Variants in SNX10 observed in about 807,000 individuals in gnomAD.
SNX10 encodes sorting nexin-10.
Under a neutral mutation model 28.5 loss-of-function variants are expected in SNX10, and 25 were observed. The ratio of observed to expected loss-of-function variants is 0.88; its 90% CI spans 0.64 to 1.22. The LOEUF (loss-of-function observed/expected upper bound fraction) is 1.22. SNX10 is among the 50% of genes most tolerant of loss of function. The pLI is 0.00. For synonymous variants in SNX10, 62 were observed against 81.4 expected (o/e 0.76, Z 1.28); for missense variants, 223 against 242.6 (o/e 0.92, Z 0.54).
intron 1 of SNX10, chr7:26,292,973 G>C (rs1402585684): frequency 6.6e-6 from 1 of 152,290 alleles, no homozygotes; most frequent in African/African-American, 2.4e-5. Flanking sequence ...GGTTTGGATT[G>C]CATAAGCTCC....
intron 1 of SNX10, among the ~76,000 whole-genome samples, chr7:26,332,371 T>C (rs1787778942): frequency 6.6e-6 from 1 of 152,244 alleles, no homozygotes; most frequent in Non-Finnish European, 1.5e-5. Context: ...TTATTCACCA[T>C]TTGTATATCT....
chr7:26,299,257 G>C (rs1415950145), intron 1 of SNX10, among the ~76,000 whole-genome samples: 1 of 151,946 alleles, frequency 6.6e-6, no homozygotes, highest in Non-Finnish European at 1.5e-5. Context: ...GTGCGGTGGT[G>C]CGATCTCGGC....
At chr7:26,356,946 GT>G (rs913980501) in intron 2 of SNX10, 3 of 422,506 alleles carry the variant, frequency 7.1e-6, no homozygotes, top group Non-Finnish European at 1.1e-5. Flanking sequence ...AGTAGATGAG[GT>G]TTTAATTTCA....
In SNX10 at chr7:26,337,855, T is replaced by C. The variant is rs113191525; in HGVS notation, c.-23-8565T>C. ...GAAGTGGAATTCCTGGATCATGTGGTAGTTTTCTGTAATTTTTTGAGGAAC... is the reference window on the plus strand; with the variant it reads ...GAAGTGGAATTCCTGGATCATGTGGCAGTTTTCTGTAATTTTTTGAGGAAC... On this transcript the variant is annotated intron_variant, in intron 1 of 6. Transcript: ENST00000338523. 6.3e-3 allele frequency among the ~76,000 whole-genome samples: 957 copies of C among 152,270 alleles called. 12 individuals carry two copies. Among genetic ancestry groups the C allele is most frequent in the African/African-American group, 0.022 (924 of 41,550 alleles).
chr7:26,316,824 C>G (rs1439909907), intron 1 of SNX10, among the ~76,000 whole-genome samples: 1 of 152,030 alleles, frequency 6.6e-6, no homozygotes, highest in South Asian at 2.1e-4. Context: ...TTTTTGGGCG[C>G]TTTTTTTCTC....
intron 5 of SNX10, among the ~76,000 whole-genome samples, chr7:26,367,825 G>A (rs1789356071): frequency 6.6e-6 from 1 of 152,172 alleles, no homozygotes; most frequent in African/African-American, 2.4e-5. Flanking sequence ...GTTTGTAGAG[G>A]AATTTTAGGA....
At chr7:26,294,622 T>C (rs558735664) in intron 1 of SNX10, among the ~76,000 whole-genome samples, 1 of 152,318 alleles carries the variant, frequency 6.6e-6, no homozygotes, top group East Asian at 1.9e-4. Flanking sequence ...CTGGGGAAAC[T>C]AAGCCATCAG....
chr7:26,301,318 G>C (rs1488902151), intron 1 of SNX10, among the ~76,000 whole-genome samples: 1 of 152,200 alleles, frequency 6.6e-6, no homozygotes, highest in Non-Finnish European at 1.5e-5. Flanking sequence ...CAGATGTCAT[G>C]TCCTTGATTT....
rs958015928 is a variant in SNX10 at position 26,364,938 on chromosome 7, CTG to C, written c.213-104_213-103del. On this transcript the variant is annotated intron_variant, in intron 4 of 6. Coordinates refer to ENST00000338523, the MANE Select transcript of SNX10 (RefSeq NM_013322.3). The surrounding 1 kb of genome is among the most constrained non-coding windows in gnomAD (Gnocchi z 4.9). ...ATGTATAATCATAATTATAGAATAA[CTG>C]TGTGATAATAATCATCATACATAAT... is the stretch of plus-strand genomic sequence containing the variant. The C allele has an allele frequency of 1.8e-5, 12 of 655,226 alleles. No individual in the cohort carries two copies. The highest frequency in any genetic ancestry group is 2.5e-5 in the Non-Finnish European group (9 of 361,082). The allele number at this position is 655,226 out of a possible 1,614,324, so 40.6% of individuals were successfully genotyped here. A position where few individuals can be genotyped will look rare whatever the true frequency, so the allele number is the denominator to read the frequency against.
Position 26,365,079 on chromosome 7 carries a change from T to A in SNX10, c.245T>A (p.Phe82Tyr). Residue 82 changes from phenylalanine (F) to tyrosine (Y), a missense_variant, in exon 5 of 7, where the codon TTT (phenylalanine) becomes TAT (tyrosine). Physicochemically the swap from Phe to Tyr is conservative, Grantham distance 22. Transcript: ENST00000338523. The stretch of plus-strand genomic sequence containing the variant: ...CCAGAACTTCCATCTAAAAACCTGT[T>A]TTTCAACATGAACAATCGCCAGCAC... ...QLPELPSKNL[F>Y]FNMNNRQHVD... 2 of 1,613,006 alleles carry A rather than the reference T, an allele frequency of 1.2e-6. No individual in the cohort carries two copies. The highest frequency in any genetic ancestry group is 1.7e-6 in the Non-Finnish European group (2 of 1,179,002).
At chr7:26,326,399 C>A (rs888284432) in intron 1 of SNX10, among the ~76,000 whole-genome samples, 4 of 152,190 alleles carry the variant, frequency 2.6e-5, no homozygotes, top group Non-Finnish European at 5.9e-5. Context: ...TTTTCCTCTA[C>A]CCTCCCCATC....
At chr7:26,293,629 T>A (rs1786007294) in intron 1 of SNX10, among the ~76,000 whole-genome samples, 1 of 152,228 alleles carries the variant, frequency 6.6e-6, no homozygotes, top group Admixed American at 6.5e-5. Flanking sequence ...TATCAGTGAT[T>A]AGCATGGACT....
At chr7:26,370,810 T>A (rs10280922) in intron 5 of SNX10, 3 of 152,304 alleles carry the variant, frequency 2.0e-5, no homozygotes, top group Non-Finnish European at 4.4e-5. Flanking sequence ...AAATTCTACT[T>A]GGGTTTTAGT....
intron 6 of SNX10, 65 bp downstream of exon 6, chr7:26,372,098 C>A: frequency 1.9e-6 from 2 of 1,036,894 alleles, no homozygotes; most frequent in Non-Finnish European, 2.9e-6. Context: ...CACATATGCA[C>A]GTGTATAGAT....
At chr7:26,325,917 AG>A (rs1215703304) in intron 1 of SNX10, among the ~76,000 whole-genome samples, 1 of 148,028 alleles carries the variant, frequency 6.8e-6, no homozygotes. Context: ...TAGTAGAGAC[AG>A]GGTTTTGCCA....
chr7:26,362,968 A>G (rs1364636170), intron 3 of SNX10, among the ~76,000 whole-genome samples: 2 of 152,118 alleles, frequency 1.3e-5, no homozygotes, highest in African/African-American at 4.8e-5. Context: ...ATTAAAGGGA[A>G]TTTAAATGGA....
chr7:26,353,461 G>GGGA (rs1554359916), intron 2 of SNX10, among the ~76,000 whole-genome samples: 6 of 42,398 alleles, frequency 1.4e-4, no homozygotes, highest in Non-Finnish European at 2.4e-4. Flanking sequence ...TTTTTTTTTT[G>GGGA]GTGGGGAGAC....
intron 5 of SNX10, among the ~76,000 whole-genome samples, chr7:26,368,773 G>T (rs1421140796): frequency 6.6e-6 from 1 of 152,134 alleles, no homozygotes; most frequent in African/African-American, 2.4e-5. Context: ...TGTCTTCAAT[G>T]AAGATTTGTA....
rs1056031033 is a variant in SNX10 at position 26,294,978 on chromosome 7, T to C, written c.-24+2892T>C. ...AGGCTTCAGTCAAGGGCAACTCCTATTGATACTTACATTTATTTTTCCCTA... is the reference window on the plus strand; with the variant it reads ...AGGCTTCAGTCAAGGGCAACTCCTACTGATACTTACATTTATTTTTCCCTA... On this transcript the variant is annotated intron_variant, in intron 1 of 6. Coordinates refer to ENST00000338523, the MANE Select transcript of SNX10 (RefSeq NM_013322.3). 2.0e-4 allele frequency among the ~76,000 whole-genome samples: 31 copies of C among 152,334 alleles called. 1 individual carries two copies. Among genetic ancestry groups the C allele is most frequent in the African/African-American group, 7.2e-4 (30 of 41,590 alleles).
Sources: gnomAD v4.1 joint callset for allele counts (sites outside exome capture counted in the v4.1 genomes callset) on GRCh38, gnomAD v4.1.1 for gene constraint, Gnocchi (gnomAD v3.1) non-coding constraint, MANE v1.5 for transcripts, NCBI Gene and HGNC (gene_info 2026-07-23, HGNC 2026-07-21) for gene names.